Variants in RBBP5 observed in about 807,000 individuals in gnomAD.
The protein encoded by RBBP5 is RB binding protein 5, histone lysine methyltransferase complex subunit.
In RBBP5, 5 loss-of-function variants were observed where a neutral mutation model predicts 72.2. The ratio of observed to expected loss-of-function variants is 0.07; its 90% CI spans 0.04 to 0.15. The LOEUF is 0.15. Among genes scored for constraint, RBBP5 ranks in the 10% least tolerant of loss-of-function variants. The pLI, the probability that RBBP5 is intolerant of heterozygous loss-of-function variation, is 1.00. For synonymous variants in RBBP5, 209 were observed against 237.2 expected (o/e 0.88, Z 1.09); for missense variants, 322 against 652.2 (o/e 0.49, Z 5.51).
intron 1 of RBBP5, among the ~76,000 whole-genome samples, chr1:205,119,688 G>T (rs542704470): frequency 6.6e-6 from 1 of 152,256 alleles, no homozygotes; most frequent in East Asian, 1.9e-4. Flanking sequence ...TGCTCTGATT[G>T]GCTTCTATGA....
At chr1:205,100,799 C>G (rs1655788542) in intron 6 of RBBP5, among the ~76,000 whole-genome samples, 1 of 152,170 alleles carries the variant, frequency 6.6e-6, no homozygotes, top group African/African-American at 2.4e-5. Flanking sequence ...CTGTCCCCAA[C>G]ATTTTTGGCA....
At chr1:205,121,823 C>G (rs773807612) in intron 1 of RBBP5, 32 bp downstream of exon 1, 3 of 1,612,314 alleles carry the variant, frequency 1.9e-6, no homozygotes, top group Non-Finnish European at 2.5e-6. Flanking sequence ...GTACCCAACG[C>G]TTCTCTAAAA....
At chr1:205,104,145 G>A in intron 4 of RBBP5, 126 bp from the exon 5 acceptor site, 2 of 986,548 alleles carry the variant, frequency 2.0e-6, no homozygotes, top group South Asian at 2.1e-5. Flanking sequence ...TTGAAACAGT[G>A]AAAAAGCATA....
In RBBP5 at chr1:205,088,747, T is replaced by C. The variant is rs771737258; in HGVS notation, c.*40A>G. ...CTGACCACAGTGTCCAGAGGCCACA[T>C]GATGGCAAAGTGAGAAAGAATGAAG... On this transcript the variant is annotated 3_prime_UTR_variant, in exon 14 of 14. Transcript: ENST00000264515. The C allele has an allele frequency of 1.9e-6, 3 of 1,569,214 alleles. No homozygotes were observed. The highest frequency in any genetic ancestry group is 1.7e-6 in the Non-Finnish European group (2 of 1,145,038).
Position 205,121,962 on chromosome 1 carries a change from G to T in RBBP5, c.-89C>A. On this transcript the variant is annotated 5_prime_UTR_variant, in exon 1 of 14. Coordinates refer to ENST00000264515, the MANE Select transcript of RBBP5 (RefSeq NM_005057.4). ...AGCAACTTGCGTCTAAGTGGTGGACGCCGCGAAGAGACTGGCGCAAGCTCC... is the reference window on the plus strand; with the variant it reads ...AGCAACTTGCGTCTAAGTGGTGGACTCCGCGAAGAGACTGGCGCAAGCTCC... The T allele has an allele frequency of 6.3e-7, 1 of 1,579,608 alleles. No individual in the cohort carries two copies. The highest frequency in any genetic ancestry group is 8.6e-7 in the Non-Finnish European group (1 of 1,163,636).
Position 205,093,480 on chromosome 1 carries a change from ATATATATATATAT to A in RBBP5, c.1588+1380_1588+1392del, listed in dbSNP as rs1441540738. Among the ~76,000 whole-genome samples the A allele has an allele frequency of 8.6e-3, 67 of 7,760 alleles. 19 individuals carry two copies. The highest frequency in any genetic ancestry group is 0.019 in the Non-Finnish European group (55 of 2,956). The allele number at this position is 7,760 out of a possible 152,430, so 5.1% of individuals were successfully genotyped here. On this transcript the variant is annotated intron_variant, in intron 13 of 13. Transcript: ENST00000264515. ...TTTCAAAAAAAAAAAAAAAAAAAAAATATATATATATATATATATATATATATATATATATATA... is the reference window on the plus strand; with the variant it reads ...TTTCAAAAAAAAAAAAAAAAAAAAAAATATATATATATATATATATATATA...
chr1:205,094,132 C>T (rs1412887172), intron 13 of RBBP5, among the ~76,000 whole-genome samples: 1 of 152,136 alleles, frequency 6.6e-6, no homozygotes, highest in African/African-American at 2.4e-5. Context: ...TGTTTTCTGT[C>T]CCCCAATAAA....
At chr1:205,097,177 T>C in intron 11 of RBBP5, 149 bp downstream of exon 11, 1 of 799,098 alleles carries the variant, frequency 1.3e-6, no homozygotes, top group East Asian at 2.7e-5. Flanking sequence ...GAAGAAAGGC[T>C]ACATTGGATT....
At chr1:205,117,955 A>C (rs1013787808) in intron 1 of RBBP5, among the ~76,000 whole-genome samples, 1 of 151,994 alleles carries the variant, frequency 6.6e-6, no homozygotes, top group South Asian at 2.1e-4. Flanking sequence ...GATTACAGGC[A>C]TGCACTGCCA....
chr1:205,115,542 T>C (rs1385665367), intron 2 of RBBP5, among the ~76,000 whole-genome samples: 1 of 152,180 alleles, frequency 6.6e-6, no homozygotes, highest in African/African-American at 2.4e-5. Flanking sequence ...CTTTACTACA[T>C]AAAAACATTG....
intron 5 of RBBP5, among the ~76,000 whole-genome samples, chr1:205,102,138 C>T (rs372846172): frequency 2.0e-5 from 3 of 152,058 alleles, no homozygotes; most frequent in East Asian, 1.9e-4. Flanking sequence ...TCAGGTGATC[C>T]GCCCACCTCG....
intron 6 of RBBP5, among the ~76,000 whole-genome samples, chr1:205,101,262 G>A (rs1655809701): frequency 6.6e-6 from 1 of 152,176 alleles, no homozygotes; most frequent in African/African-American, 2.4e-5. Context: ...TAAATAGGCA[G>A]TATTCAGTTA....
At chr1:205,101,577 T>C in intron 6 of RBBP5, 23 bp downstream of exon 6, 1 of 1,555,588 alleles carries the variant, frequency 6.4e-7, no homozygotes, top group Non-Finnish European at 8.8e-7. Flanking sequence ...AAACTGTCCC[T>C]TAAAAGGTAA....
chr1:205,121,757 C>G (rs61822619), intron 1 of RBBP5, 98 bp downstream of exon 1: 604,671 of 1,565,484 alleles, frequency 0.39, 128,891 homozygotes, highest in Non-Finnish European at 0.44. Context: ...CATAGCCGAA[C>G]AGTGTCCCTA....
intron 5 of RBBP5, among the ~76,000 whole-genome samples, chr1:205,101,946 G>T (rs1655842760): frequency 6.7e-6 from 1 of 149,872 alleles, no homozygotes; most frequent in African/African-American, 2.5e-5. Flanking sequence ...GCCCAGGCTG[G>T]AGTGCAATGG....
At chr1:205,108,880 A>C (rs1656188519) in intron 3 of RBBP5, among the ~76,000 whole-genome samples, 1 of 152,214 alleles carries the variant, frequency 6.6e-6, no homozygotes, top group Non-Finnish European at 1.5e-5. Flanking sequence ...GAAAGAATTT[A>C]ATACATACAG....
At chr1:205,104,508 G>A (rs1400829650) in intron 4 of RBBP5, among the ~76,000 whole-genome samples, 1 of 150,994 alleles carries the variant, frequency 6.6e-6, no homozygotes, top group African/African-American at 2.4e-5. Flanking sequence ...GAGCGTCGCA[G>A]CGAGACTCCA....
Position 205,088,070 on chromosome 1 carries a change from A to T in RBBP5, c.*717T>A, listed in dbSNP as rs180860902. ...TTCTTTGCTGGAGATGGATAAAACT[A>T]GCTATCTTCAAAAACCATGATTGAT... On this transcript the variant is annotated 3_prime_UTR_variant, in exon 14 of 14. Coordinates refer to ENST00000264515, the MANE Select transcript of RBBP5 (RefSeq NM_005057.4). 6.6e-6 allele frequency: 1 copy of T among 152,362 alleles called. No individual in the cohort carries two copies. The highest frequency in any genetic ancestry group is 1.9e-4 in the East Asian group (1 of 5,190). The allele number at this position is 152,362 out of a possible 1,614,324, so 9.4% of individuals were successfully genotyped here. A position where few individuals can be genotyped will look rare whatever the true frequency, so the allele number is the denominator to read the frequency against.
At chr1:205,116,524 G>A (rs1359911268) in intron 1 of RBBP5, among the ~76,000 whole-genome samples, 2 of 152,122 alleles carry the variant, frequency 1.3e-5, no homozygotes, top group African/African-American at 4.8e-5. Flanking sequence ...AATTTACTAA[G>A]GTAAGAGCAA....
Sources: allele counts gnomAD v4.1 joint callset (sites outside exome capture counted in the v4.1 genomes callset), GRCh38; gene constraint gnomAD v4.1.1; transcripts MANE v1.5; gene names NCBI Gene and HGNC (gene_info 2026-07-23, HGNC 2026-07-21).